DOCK9: variants seen among roughly 807,000 people sequenced by gnomAD.
DOCK9 encodes dedicator of cytokinesis 9, also known as dedicator of cytokinesis protein 9.
A neutral mutation model predicts 263.3 loss-of-function variants in DOCK9; 89 were observed. The ratio of observed to expected loss-of-function variants is 0.34; its 90% CI spans 0.28 to 0.40. The LOEUF (loss-of-function observed/expected upper bound fraction) is 0.40, where lower values mean the gene tolerates loss of function less well. DOCK9 is among the 10% of genes least tolerant of loss of function. The pLI, the probability that DOCK9 is intolerant of heterozygous loss-of-function variation, is 1.00. For missense variants in DOCK9, 2,140 were observed against 2,603.4 expected (o/e 0.82, Z 3.87); for synonymous variants, 976 against 973.1 (o/e 1.00, Z -0.06).
At chr13:98,867,854 A>G in intron 29 of DOCK9, 74 bp downstream of exon 29, 1 of 1,402,008 alleles carries the variant, frequency 7.1e-7, no homozygotes, top group Non-Finnish European at 9.7e-7. Context: ...TTAAAAAAAA[A>G]AAAGGAAAAA....
intron 1 of DOCK9, among the ~76,000 whole-genome samples, chr13:99,084,074 G>A (rs1485177645): frequency 6.6e-6 from 1 of 152,202 alleles, no homozygotes; most frequent in African/African-American, 2.4e-5. Context: ...TGCCTCCTGA[G>A]AAGTCCAGGG....
In DOCK9 at chr13:99,037,505, G is replaced by A. The variant is rs561288739; in HGVS notation, c.129+48718C>T. Among the ~76,000 whole-genome samples, 13 of 152,292 alleles carry A rather than the reference G, an allele frequency of 8.5e-5. No individual in the cohort carries two copies. In the South Asian group the frequency reaches 2.7e-3, roughly 32 times the overall value. ...TGGAGCAAATAAACTCTCATACTCTGCCGGTGGAAATATAAAACGATATAA... is the reference window on the plus strand; with the variant it reads ...TGGAGCAAATAAACTCTCATACTCTACCGGTGGAAATATAAAACGATATAA... On this transcript the variant is annotated intron_variant, in intron 1 of 32. Coordinates refer to the DOCK9 transcript ENST00000427887.
At chr13:98,987,903 T>G (rs1163070984) in intron 1 of DOCK9, among the ~76,000 whole-genome samples, 1 of 152,218 alleles carries the variant, frequency 6.6e-6, no homozygotes, top group African/African-American at 2.4e-5. Flanking sequence ...ATTGGAGAGT[T>G]GTCCAAGGCC....
At chr13:98,864,967 G>A (rs913111407) in intron 30 of DOCK9, among the ~76,000 whole-genome samples, 22 of 152,276 alleles carry the variant, frequency 1.4e-4, no homozygotes, top group African/African-American at 4.8e-5. Context: ...CCTCCACCAT[G>A]ATTGGAAGCT....
intron 49 of DOCK9, among the ~76,000 whole-genome samples, chr13:98,802,295 A>G (rs1442656477): frequency 2.6e-5 from 4 of 152,230 alleles, no homozygotes; most frequent in Non-Finnish European, 4.4e-5. Context: ...CTGTTTCATT[A>G]GCCTGCCAAT....
intron 12 of DOCK9, 136 bp from the exon 13 acceptor site, chr13:98,902,036 A>G (rs569281593): frequency 3.0e-5 from 35 of 1,156,688 alleles, no homozygotes; most frequent in African/African-American, 1.1e-4. Flanking sequence ...GTTAGCTGAC[A>G]AACAGTTCAT....
intron 3 of DOCK9, among the ~76,000 whole-genome samples, chr13:98,928,850 G>A (rs1397668240): frequency 1.3e-5 from 2 of 152,126 alleles, no homozygotes; most frequent in African/African-American, 4.8e-5. Context: ...AACATATCTG[G>A]CTGTATTTGT....
At chr13:98,977,724 C>A (rs186014429) in intron 1 of DOCK9, 60 bp downstream of exon 1, 133 of 1,560,350 alleles carry the variant, frequency 8.5e-5, no homozygotes, top group Non-Finnish European at 1.0e-4. Context: ...CCCGTCCACA[C>A]GCACAATAAG....
chr13:98,983,618 TTATTA>T (rs1261562160), intron 1 of DOCK9, among the ~76,000 whole-genome samples: 5 of 118,038 alleles, frequency 4.2e-5, no homozygotes, highest in South Asian at 3.1e-4. Flanking sequence ...ATTATTATTA[TTATTA>T]TTTTTTTTTT....
chr13:98,863,272 G>C (rs528580018), intron 31 of DOCK9, 98 bp downstream of exon 31: 19 of 1,513,246 alleles, frequency 1.3e-5, no homozygotes, highest in Non-Finnish European at 1.6e-5. Context: ...CAAAATCTTA[G>C]TGCTGTTACC....
At chr13:99,023,009 C>T (rs780884544) in intron 1 of DOCK9, among the ~76,000 whole-genome samples, 18 of 152,142 alleles carry the variant, frequency 1.2e-4, no homozygotes, top group Non-Finnish European at 2.2e-4. Context: ...AGCTTATTTG[C>T]TGGTAGAAAT....
At chr13:98,819,363 A>G (rs1314355657) in intron 45 of DOCK9, among the ~76,000 whole-genome samples, 1 of 152,204 alleles carries the variant, frequency 6.6e-6, no homozygotes, top group Non-Finnish European at 1.5e-5. Context: ...ACATATGTCA[A>G]TCTAGAAATT....
intron 52 of DOCK9, among the ~76,000 whole-genome samples, chr13:98,796,630 T>A (rs1325967727): frequency 6.6e-6 from 1 of 152,140 alleles, no homozygotes; most frequent in East Asian, 1.9e-4. Flanking sequence ...AAAGGAAGAA[T>A]CCACTGGGGC....
Position 98,888,678 on chromosome 13 carries a change from T to G in DOCK9, c.1743A>C (p.Leu581Phe). Residue 581 changes from leucine (L) to phenylalanine (F), a missense_variant, in exon 16 of 53, where the codon TTA (leucine) becomes TTC (phenylalanine). Leu to Phe is a conservative substitution (Grantham distance 22, BLOSUM62 0). Coordinates refer to ENST00000682017, the MANE Select transcript of DOCK9 (RefSeq NM_001366683.2). Reference protein sequence around the residue: ...PEKMAKLPVILGNLDITIDNV... With the variant: ...PEKMAKLPVIFGNLDITIDNV... ...TATCAATTGTAATGTCTAGATTGCC[T>G]AAAATCACTGGGAGCTTAGCCATCT... The G allele has an allele frequency of 6.2e-7, 1 of 1,613,898 alleles. No individual in the cohort carries two copies. Among genetic ancestry groups the G allele is most frequent in the Non-Finnish European group, 8.5e-7 (1 of 1,179,844 alleles).
intron 1 of DOCK9, among the ~76,000 whole-genome samples, chr13:99,083,844 A>C (rs2042225088): frequency 6.6e-6 from 1 of 152,200 alleles, no homozygotes; most frequent in Admixed American, 6.5e-5. Flanking sequence ...ACTCATCAAT[A>C]CTTGAAGTGT....
At chr13:98,990,596 C>A (rs565628380) in intron 1 of DOCK9, among the ~76,000 whole-genome samples, 1 of 152,358 alleles carries the variant, frequency 6.6e-6, no homozygotes, top group East Asian at 1.9e-4. Context: ...AAGGCGACCA[C>A]AAGTGCTGGG....
At position 98,892,645 on chromosome 13, in the gene DOCK9, A is replaced by G. The variant is rs536287857; in HGVS notation, c.1710-3934T>C. On this transcript the variant is annotated intron_variant, in intron 15 of 52. Coordinates refer to ENST00000682017, the MANE Select transcript of DOCK9 (RefSeq NM_001366683.2). Reference sequence around the variant, plus strand: ...GCAATGTATGTACTCAGGACCATGGAGGAATGCAAACAAGACATAATTTCT... The same window carrying G: ...GCAATGTATGTACTCAGGACCATGGGGGAATGCAAACAAGACATAATTTCT... Among the ~76,000 whole-genome samples the G allele has an allele frequency of 5.9e-5, 9 of 152,360 alleles. No homozygotes were observed. The South Asian group carries it at 1.9e-3, about 32-fold the overall frequency.
intron 48 of DOCK9, among the ~76,000 whole-genome samples, chr13:98,806,908 C>CAA (rs35437169): frequency 2.4e-5 from 3 of 126,678 alleles, no homozygotes; most frequent in Non-Finnish European, 3.3e-5. Context: ...GACTCCATCT[C>CAA]AAAAAAAAAA....
chr13:99,047,207 G>A (rs189678062), intron 1 of DOCK9, among the ~76,000 whole-genome samples: 1 of 152,122 alleles, frequency 6.6e-6, no homozygotes, highest in Non-Finnish European at 1.5e-5. Flanking sequence ...CTAGAAGTAG[G>A]GCCTATTTAG....
Sources: gnomAD v4.1 joint callset for allele counts (sites outside exome capture counted in the v4.1 genomes callset) on GRCh38, gnomAD v4.1.1 for gene constraint, MANE v1.5 for transcripts, NCBI Gene and HGNC (gene_info 2026-07-23, HGNC 2026-07-21) for gene names.